Variants in ADAM22 observed in about 807,000 individuals in gnomAD.
ADAM22 encodes the protein disintegrin and metalloproteinase domain-containing protein 22.
ADAM22 carries 65 observed loss-of-function variants against 144.6 expected under a neutral mutation model. That is an observed-to-expected ratio of 0.45 (90% CI 0.37 to 0.55). ADAM22 has a LOEUF of 0.55. Among genes scored for constraint, ADAM22 ranks in the 20% least tolerant of loss-of-function variants. The pLI is 0.00. For missense variants in ADAM22, 974 were observed against 1,184.9 expected, an observed-to-expected ratio of 0.82 and a Z score of 2.61; for synonymous variants, 391 against 412.6, an observed-to-expected ratio of 0.95 and a Z score of 0.63.
intron 14 of ADAM22, among the ~76,000 whole-genome samples, chr7:88,139,000 T>C (rs1833837739): frequency 6.6e-6 from 1 of 152,226 alleles, no homozygotes; most frequent in African/African-American, 2.4e-5. Context: ...AGGGTGCTTT[T>C]ACAGAGAGGC....
chr7:88,039,464 A>AAAAAAATATATATAT, intron 3 of ADAM22, among the ~76,000 whole-genome samples: 1 of 76,378 alleles, frequency 1.3e-5, no homozygotes, highest in African/African-American at 4.7e-5. Flanking sequence ...AAAAAAAAAA[A>AAAAAAATATATATAT]ATATATATAT....
chr7:88,169,559 C>T (rs1347085117), intron 25 of ADAM22, among the ~76,000 whole-genome samples: 3 of 151,968 alleles, frequency 2.0e-5, no homozygotes, highest in South Asian at 2.1e-4. Flanking sequence ...TTACCTTTGG[C>T]GCAGTTGGCT....
intron 3 of ADAM22, among the ~76,000 whole-genome samples, chr7:88,043,669 C>T (rs1803755670): frequency 6.6e-6 from 1 of 150,986 alleles, no homozygotes; most frequent in Non-Finnish European, 1.5e-5. Context: ...GGAGTGCCCT[C>T]CAACATGGGC....
intron 4 of ADAM22, among the ~76,000 whole-genome samples, chr7:88,083,565 T>G (rs1817531282): frequency 6.7e-6 from 1 of 149,750 alleles, no homozygotes; most frequent in Non-Finnish European, 1.5e-5. Context: ...GACTATCTTT[T>G]TTTTCTCTTT....
At chr7:88,094,946 G>A (rs932952558) in intron 4 of ADAM22, among the ~76,000 whole-genome samples, 4 of 152,164 alleles carry the variant, frequency 2.6e-5, no homozygotes, top group Admixed American at 1.3e-4. Context: ...GTTAATATAC[G>A]TACGTCCTTA....
intron 26 of ADAM22, 61 bp downstream of exon 26, chr7:88,171,622 G>T: frequency 2.1e-6 from 3 of 1,402,470 alleles, no homozygotes; most frequent in South Asian, 2.8e-5. Context: ...TAGCATTGTT[G>T]GAATTCATAC....
At chr7:87,987,031 A>G (rs530184608) in intron 3 of ADAM22, among the ~76,000 whole-genome samples, 41 of 152,318 alleles carry the variant, frequency 2.7e-4, no homozygotes, top group Admixed American at 7.8e-4. Context: ...AACACTTCCA[A>G]TGTGCAACAA....
chr7:88,009,900 G>C (rs1289409387), intron 3 of ADAM22, among the ~76,000 whole-genome samples: 2 of 152,142 alleles, frequency 1.3e-5, no homozygotes, highest in Non-Finnish European at 2.9e-5. Flanking sequence ...CACTGCTAAG[G>C]CCAGCAGTAA....
intron 2 of ADAM22, among the ~76,000 whole-genome samples, chr7:87,958,130 G>C (rs1847213777): frequency 6.6e-6 from 1 of 151,956 alleles, no homozygotes; most frequent in East Asian, 1.9e-4. Flanking sequence ...TATTTATTCT[G>C]TTTCGCTGTT....
At chr7:88,125,788 TA>T in intron 8 of ADAM22, 129 bp downstream of exon 8, 2 of 664,044 alleles carry the variant, frequency 3.0e-6, no homozygotes, top group Non-Finnish European at 2.4e-6. Context: ...TGATAAACCG[TA>T]AGGGTGATGG....
At chr7:88,138,607 T>A (rs989439122) in intron 14 of ADAM22, among the ~76,000 whole-genome samples, 3 of 152,210 alleles carry the variant, frequency 2.0e-5, no homozygotes, top group African/African-American at 7.2e-5. Context: ...AGGGTTGAAA[T>A]GAATACCTTC....
chr7:88,092,958 T>C (rs559000593), intron 4 of ADAM22, among the ~76,000 whole-genome samples: 374 of 119,946 alleles, frequency 3.1e-3, no homozygotes, highest in African/African-American at 9.2e-3. Context: ...AAGATTTTTT[T>C]TCCCCCAGTT....
At chr7:87,936,314 A>G (rs946449152) in intron 2 of ADAM22, among the ~76,000 whole-genome samples, 2 of 152,226 alleles carry the variant, frequency 1.3e-5, no homozygotes, top group Non-Finnish European at 2.9e-5. Flanking sequence ...TAAGCTTTTA[A>G]TGATGGATTC....
rs188402044 is a variant in ADAM22 at position 88,199,771 on chromosome 7, C to T, written c.*3280C>T. On this transcript the variant is annotated 3_prime_UTR_variant, in exon 32 of 32. Coordinates refer to ENST00000413139, the MANE Select transcript of ADAM22 (RefSeq NM_001324418.2). Reference sequence around the variant, plus strand: ...GGGTTTAAAATGCCAACTTATTTTTCACTTTGATATTGGTGCTTTATTAAG... The same window carrying T: ...GGGTTTAAAATGCCAACTTATTTTTTACTTTGATATTGGTGCTTTATTAAG... The T allele has an allele frequency of 2.0e-4, 30 of 152,252 alleles. No homozygotes were observed. Among genetic ancestry groups the T allele is most frequent in the African/African-American group, 7.0e-4 (29 of 41,562 alleles). The allele number at this position is 152,252 out of a possible 1,614,324, so 9.4% of individuals were successfully genotyped here. A position where few individuals can be genotyped will look rare whatever the true frequency, so the allele number is the denominator to read the frequency against.
chr7:88,138,372 A>C (rs1243749082), intron 14 of ADAM22, among the ~76,000 whole-genome samples: 1 of 152,226 alleles, frequency 6.6e-6, no homozygotes, highest in Non-Finnish European at 1.5e-5. Flanking sequence ...TATACAGTGA[A>C]GTCAAATGGC....
At chr7:88,020,643 G>C (rs1466861788) in intron 3 of ADAM22, among the ~76,000 whole-genome samples, 1 of 152,104 alleles carries the variant, frequency 6.6e-6, no homozygotes, top group African/African-American at 2.4e-5. Flanking sequence ...TTAAACCTTT[G>C]ACCTCTTCCA....
intron 3 of ADAM22, among the ~76,000 whole-genome samples, chr7:88,040,042 A>G (rs1034840044): frequency 6.6e-6 from 1 of 151,832 alleles, no homozygotes; most frequent in Non-Finnish European, 1.5e-5. Flanking sequence ...CTCTTTCATG[A>G]CTGTTCTCCC....
chr7:87,948,399 T>C (rs1296690139), intron 2 of ADAM22, among the ~76,000 whole-genome samples: 2 of 152,178 alleles, frequency 1.3e-5, no homozygotes, highest in East Asian at 3.9e-4. Flanking sequence ...TTCATTTGTT[T>C]CTGTTGTGCC....
At chr7:88,051,932 C>T (rs779459608) in intron 3 of ADAM22, among the ~76,000 whole-genome samples, 11 of 152,106 alleles carry the variant, frequency 7.2e-5, no homozygotes, top group Middle Eastern at 3.4e-3. Context: ...TTTACCTTTG[C>T]CTTTCAACAG....
Sources: gnomAD v4.1 joint callset for allele counts (sites outside exome capture counted in the v4.1 genomes callset) on GRCh38, gnomAD v4.1.1 for gene constraint, MANE v1.5 for transcripts, NCBI Gene and HGNC (gene_info 2026-07-23, HGNC 2026-07-21) for gene names.